The following NCOA6 variants were observed in gnomAD, a reference collection of about 807,000 sequenced individuals.
NCOA6 encodes the protein nuclear receptor coactivator 6.
A neutral mutation model predicts 171.4 loss-of-function variants in NCOA6; 49 were observed. That is an observed-to-expected ratio of 0.29 (90% CI 0.23 to 0.36). The LOEUF (loss-of-function observed/expected upper bound fraction) is 0.36. Among genes scored for constraint, NCOA6 ranks in the 10% least tolerant of loss-of-function variants. The pLI is 1.00. For missense variants in NCOA6, 2,248 were observed against 2,554.5 expected (o/e 0.88, Z 2.59); for synonymous variants, 910 against 927.5 (o/e 0.98, Z 0.34).
At chr20:34,781,880 T>G (rs1310559094) in intron 3 of NCOA6, among the ~76,000 whole-genome samples, 1 of 152,180 alleles carries the variant, frequency 6.6e-6, no homozygotes, top group African/African-American at 2.4e-5. Context: ...ATTACTTTTA[T>G]CCACTAGAGA....
chr20:34,760,674 A>G (rs2076788725), intron 5 of NCOA6, among the ~76,000 whole-genome samples: 1 of 152,204 alleles, frequency 6.6e-6, no homozygotes, highest in Admixed American at 6.5e-5. Context: ...TTAAATGGCT[A>G]TAGACTTTTC....
Position 34,768,730 on chromosome 20 carries a change from T to A in NCOA6, c.392-144A>T. On this transcript the variant is annotated intron_variant, in intron 4 of 14. Coordinates refer to ENST00000359003, the MANE Select transcript of NCOA6 (RefSeq NM_014071.5). Reference sequence around the variant, plus strand: ...CACCAGAAAAATGGTGGGTTCAATGTAGATGGGTCTTTCTTCAACCCATCT... The same window carrying A: ...CACCAGAAAAATGGTGGGTTCAATGAAGATGGGTCTTTCTTCAACCCATCT... The A allele has an allele frequency of 1.0e-5, 9 of 859,152 alleles. 1 individual carries two copies. The South Asian group carries it at 1.2e-4, about 12-fold the overall frequency. The allele number at this position is 859,152 out of a possible 1,614,324, so 53.2% of individuals were successfully genotyped here. A position where few individuals can be genotyped will look rare whatever the true frequency, so the allele number is the denominator to read the frequency against.
At chr20:34,733,445 T>A (rs2075848422) in intron 12 of NCOA6, among the ~76,000 whole-genome samples, 1 of 152,122 alleles carries the variant, frequency 6.6e-6, no homozygotes, top group Admixed American at 6.5e-5. Flanking sequence ...GAAGTCAGAG[T>A]GCCTGGTTCA....
intron 4 of NCOA6, among the ~76,000 whole-genome samples, chr20:34,773,585 A>G (rs941045041): frequency 1.3e-5 from 2 of 150,796 alleles, no homozygotes; most frequent in African/African-American, 4.9e-5. Flanking sequence ...GTGCAGTGGC[A>G]TGATCTCGGC....
At chr20:34,715,624 T>G (rs1600702909) in intron 14 of NCOA6, among the ~76,000 whole-genome samples, 1 of 152,048 alleles carries the variant, frequency 6.6e-6, no homozygotes, top group Admixed American at 6.5e-5. Context: ...AAGTGCAGGG[T>G]GGAGAGAGCC....
At chr20:34,825,191 C>T (rs1385706925) in intron 1 of NCOA6, among the ~76,000 whole-genome samples, 2 of 151,958 alleles carry the variant, frequency 1.3e-5, no homozygotes, top group African/African-American at 4.8e-5. Flanking sequence ...GTGCACCGGC[C>T]CCCGCGCCCA....
intron 14 of NCOA6, among the ~76,000 whole-genome samples, chr20:34,717,712 C>T (rs1027774264): frequency 6.6e-6 from 1 of 152,194 alleles, no homozygotes; most frequent in Admixed American, 6.5e-5. Flanking sequence ...AAGAGTCTCA[C>T]ACAGCCCACA....
intron 1 of NCOA6, among the ~76,000 whole-genome samples, chr20:34,799,124 C>T (rs2078174629): frequency 6.6e-6 from 1 of 151,988 alleles, no homozygotes; most frequent in African/African-American, 2.4e-5. Context: ...AGAATCCTAT[C>T]AGATAAATTT....
At chr20:34,773,725 T>G (rs1427196543) in intron 4 of NCOA6, among the ~76,000 whole-genome samples, 3 of 152,234 alleles carry the variant, frequency 2.0e-5, no homozygotes, top group Admixed American at 2.0e-4. Flanking sequence ...GGTTTCACCA[T>G]GTTGGCCAGG....
intron 1 of NCOA6, among the ~76,000 whole-genome samples, chr20:34,818,024 G>C (rs143459743): frequency 4.1e-4 from 62 of 152,298 alleles, no homozygotes; most frequent in African/African-American, 1.4e-3. Flanking sequence ...TTTGAAATTA[G>C]ACTACCTGGA....
At chr20:34,776,884 C>T (rs569980672) in intron 3 of NCOA6, 61 of 404,826 alleles carry the variant, frequency 1.5e-4, no homozygotes, top group African/African-American at 8.0e-4. Context: ...TTCGGGAGGC[C>T]GAGGCAGGTG....
In NCOA6 at chr20:34,789,757, T is replaced by C. The variant is rs570663223; in HGVS notation, c.-50+2693A>G. Reference sequence around the variant, plus strand: ...AGCTGAAATTGTGCTACTGCACTATTGCTGCTCTGAGCAACAGAGTGAGAC... The same window carrying C: ...AGCTGAAATTGTGCTACTGCACTATCGCTGCTCTGAGCAACAGAGTGAGAC... On this transcript the variant is annotated intron_variant, in intron 2 of 14. Transcript: ENST00000359003. Among the ~76,000 whole-genome samples the C allele has an allele frequency of 5.9e-5, 9 of 152,232 alleles. No homozygotes were observed. In the South Asian group the frequency reaches 1.9e-3, roughly 32 times the overall value.
chr20:34,732,752 A>T, intron 12 of NCOA6, 157 bp from the exon 13 acceptor site: 1 of 571,656 alleles, frequency 1.7e-6, no homozygotes. Context: ...GCTGGCACAG[A>T]TACAACTTGG....
intron 14 of NCOA6, among the ~76,000 whole-genome samples, chr20:34,721,929 C>A (rs1274930169): frequency 6.6e-6 from 1 of 151,338 alleles, no homozygotes; most frequent in African/African-American, 2.4e-5. Flanking sequence ...GTCATATGTG[C>A]CTGCAGTCTC....
rs1568782068 is a variant in NCOA6 at position 34,754,756 on chromosome 20, A to AG, written c.1640dup (p.Gln548SerfsTer149). On this transcript the variant is annotated frameshift_variant, in exon 8 of 15. Coordinates refer to ENST00000359003, the MANE Select transcript of NCOA6 (RefSeq NM_014071.5). LOFTEE classifies it high-confidence loss of function. The stretch of plus-strand genomic sequence containing the variant: ...GGACATTTTGATTTGCTTGCAGCTG[A>AG]GGGGCTCCTGAATTCCCAGGGGTGG... 1.9e-6 allele frequency: 3 copies of AG among 1,614,222 alleles called. No individual in the cohort carries two copies. Among genetic ancestry groups the AG allele is most frequent in the East Asian group, 2.2e-5 (1 of 44,886 alleles).
chr20:34,738,533 A>G (rs901092277), intron 11 of NCOA6, among the ~76,000 whole-genome samples: 1 of 152,238 alleles, frequency 6.6e-6, no homozygotes, highest in African/African-American at 2.4e-5. Context: ...GAACTAGAAC[A>G]ATATACAATA....
At position 34,732,441 on chromosome 20, in the gene NCOA6, G is replaced by A. The variant is rs912139673; in HGVS notation, c.5999+118C>T. 4.6e-4 allele frequency: 406 copies of A among 888,316 alleles called. 3 individuals are homozygous for A. Among genetic ancestry groups the A allele is most frequent in the Middle Eastern group, 6.8e-4 (3 of 4,418 alleles). The allele number at this position is 888,316 out of a possible 1,614,324, so 55.0% of individuals were successfully genotyped here. A position where few individuals can be genotyped will look rare whatever the true frequency, so the allele number is the denominator to read the frequency against. On this transcript the variant is annotated intron_variant, in intron 13 of 14. Transcript: ENST00000359003. ...TCTACGTTAGCAGTAAAAACAGACT[G>A]GTGCAAGAGTGAAGGAAAAGGACAA... is the stretch of plus-strand genomic sequence containing the variant.
rs1990318354 is a variant in NCOA6, at chr20:34,729,149, C to T, written c.6000-1742G>A. Among the ~76,000 whole-genome samples the T allele has an allele frequency of 6.6e-5, 10 of 152,316 alleles. No individual in the cohort carries two copies. In the South Asian group the frequency reaches 2.1e-3, roughly 32 times the overall value. ...TATTTTTAGTAAAGATGGGGTTTCA[C>T]CATGTTGGCCAGGCTGGTCTCGAAC... On this transcript the variant is annotated intron_variant, in intron 13 of 14. Transcript: ENST00000359003.
chr20:34,740,498 T>A lies in NCOA6; in HGVS notation c.5758A>T (p.Thr1920Ser). 1 of 1,613,812 alleles carries A rather than the reference T, an allele frequency of 6.2e-7. No individual in the cohort carries two copies. Among genetic ancestry groups the A allele is most frequent in the Non-Finnish European group, 8.5e-7 (1 of 1,179,942 alleles). The change falls in exon 11 of 15, where the codon ACT (threonine) becomes TCT (serine). Residue 1920 changes from threonine to serine, a missense_variant. By Grantham distance (58) the Thr-to-Ser change is moderately conservative (BLOSUM62 1). Around this residue, in one of 7 missense-constraint regions of NCOA6, gnomAD observed 884 missense variants for 941.9 expected, o/e 0.94. Transcript: ENST00000359003. ...LPTSVRSIVTTLVPSELISAV... is the reference protein window; with the variant it reads ...LPTSVRSIVTSLVPSELISAV... The stretch of plus-strand genomic sequence containing the variant: ...GAGATGAGCTCGGAGGGTACCAGAG[T>A]GGTTACTATCGAGCGTACACTGGTG...
Sources: allele counts gnomAD v4.1 joint callset (sites outside exome capture counted in the v4.1 genomes callset), GRCh38; gene constraint gnomAD v4.1.1; regional missense constraint gnomAD v4.1.1; transcripts MANE v1.5; gene names NCBI Gene and HGNC (gene_info 2026-07-23, HGNC 2026-07-21).